Variants in ROBO1 observed in about 807,000 individuals in gnomAD.
ROBO1 encodes roundabout guidance receptor 1, also known as roundabout homolog 1.
A neutral mutation model predicts 195.9 loss-of-function variants in ROBO1; 149 were observed. That is an observed-to-expected ratio of 0.76 (90% CI 0.67 to 0.87). The LOEUF (loss-of-function observed/expected upper bound fraction) is 0.87, where lower values mean the gene tolerates loss of function less well. Among genes scored for constraint, ROBO1 ranks in the 40% least tolerant of loss-of-function variants. ROBO1 has a pLI of 0.00. For synonymous variants in ROBO1, 816 were observed against 733.2 expected (o/e 1.11, Z -1.82); for missense variants, 1,933 against 2,068.3 (o/e 0.93, Z 1.27).
Position 79,566,316 on chromosome 3 carries a change from C to T in ROBO1, c.88+23508G>A, listed in dbSNP as rs930085562. Among the ~76,000 whole-genome samples, 3 of 152,144 alleles carry T rather than the reference C, an allele frequency of 2.0e-5. No individual in the cohort carries two copies. In the East Asian group the frequency reaches 5.8e-4, roughly 29 times the overall value. On this transcript the variant is annotated intron_variant, in intron 2 of 30. Coordinates refer to ENST00000464233, the MANE Select transcript of ROBO1 (RefSeq NM_002941.4). ...CACAGCGGATATTAACAAGTTTATG[C>T]TTGGAAGAACATTGTAAACAGGTAA...
intron 3 of ROBO1, among the ~76,000 whole-genome samples, chr3:79,051,373 T>C (rs1248389116): frequency 6.6e-6 from 1 of 152,158 alleles, no homozygotes; most frequent in Non-Finnish European, 1.5e-5. Context: ...GTAGAATCTC[T>C]GAATAGACAA....
chr3:78,624,415 C>G (rs967981327), intron 26 of ROBO1, among the ~76,000 whole-genome samples: 1 of 151,960 alleles, frequency 6.6e-6, no homozygotes, highest in African/African-American at 2.4e-5. Context: ...CAGCAATGAC[C>G]CTGGAAATAA....
At chr3:79,090,659 TA>T (rs1422663766) in intron 3 of ROBO1, among the ~76,000 whole-genome samples, 1 of 152,124 alleles carries the variant, frequency 6.6e-6, no homozygotes, top group Non-Finnish European at 1.5e-5. Flanking sequence ...AGTTTGGGCC[TA>T]ACCTCTCTAT....
intron 3 of ROBO1, among the ~76,000 whole-genome samples, chr3:79,034,167 T>A (rs1339681327): frequency 6.6e-6 from 1 of 152,242 alleles, no homozygotes; most frequent in Non-Finnish European, 1.5e-5. Flanking sequence ...TAGAAAATAC[T>A]ATTATTATAA....
rs2081098864 is a variant in ROBO1, at chr3:78,688,502, T to C, written c.1170+146A>G. 6.2e-6 allele frequency: 5 copies of C among 805,440 alleles called. No individual in the cohort carries two copies. The South Asian group carries it at 1.3e-4, about 21-fold the overall frequency. 49.9% of individuals were successfully genotyped at this position (805,440 alleles called of 1,614,324 possible). A position where few individuals can be genotyped will look rare whatever the true frequency, so the allele number is the denominator to read the frequency against. ...AAGACAATTTTGTCTTCTTTCTCATTGCTAAAATGTTCTGGGCACTCAGAG... is the reference window on the plus strand; with the variant it reads ...AAGACAATTTTGTCTTCTTTCTCATCGCTAAAATGTTCTGGGCACTCAGAG... On this transcript the variant is annotated intron_variant, in intron 9 of 30. Transcript: ENST00000464233.
chr3:78,768,766 G>A (rs555420021), intron 4 of ROBO1, among the ~76,000 whole-genome samples: 7 of 150,930 alleles, frequency 4.6e-5, no homozygotes, highest in African/African-American at 7.3e-5. Context: ...CCACTAACTC[G>A]TCATCTAGCA....
At chr3:79,616,391 A>G (rs1311891657) in intron 1 of ROBO1, among the ~76,000 whole-genome samples, 2 of 152,160 alleles carry the variant, frequency 1.3e-5, no homozygotes, top group Non-Finnish European at 2.9e-5. Context: ...TAGAAAATAG[A>G]AATATGACTG....
intron 3 of ROBO1, among the ~76,000 whole-genome samples, chr3:79,071,622 T>A (rs1559638395): frequency 6.6e-6 from 1 of 151,854 alleles, no homozygotes; most frequent in Non-Finnish European, 1.5e-5. Context: ...GGTTATTTTT[T>A]TAAAAAATTC....
intron 2 of ROBO1, among the ~76,000 whole-genome samples, chr3:79,140,558 C>T (rs2080503710): frequency 6.6e-6 from 1 of 151,752 alleles, no homozygotes; most frequent in Non-Finnish European, 1.5e-5. Flanking sequence ...TCCTATATAC[C>T]TAATAAGAAG....
intron 2 of ROBO1, among the ~76,000 whole-genome samples, chr3:79,276,348 C>A (rs1404233019): frequency 6.6e-6 from 1 of 151,558 alleles, no homozygotes; most frequent in African/African-American, 2.4e-5. Flanking sequence ...TTTTGACAAA[C>A]CAAGAACTAA....
intron 22 of ROBO1, among the ~76,000 whole-genome samples, chr3:78,638,845 G>A (rs940259635): frequency 6.6e-6 from 1 of 152,122 alleles, no homozygotes; most frequent in African/African-American, 2.4e-5. Context: ...CTGCACTCCA[G>A]CCTAGGTGAA....
In ROBO1 at chr3:79,076,365, C is replaced by G. The variant is rs1170658446; in HGVS notation, c.172+49091G>C. Among the ~76,000 whole-genome samples, 3 of 149,922 alleles carry G rather than the reference C, an allele frequency of 2.0e-5. No homozygotes were observed. In the East Asian group the frequency reaches 5.9e-4, roughly 30 times the overall value. On this transcript the variant is annotated intron_variant, in intron 3 of 30. Transcript: ENST00000464233. ...TGAAGAAATTACCATTAAATACAAA[C>G]TATTTTCTCATGACAGAAAAAAAGA...
intron 3 of ROBO1, among the ~76,000 whole-genome samples, chr3:79,104,017 C>A (rs1281730553): frequency 1.3e-5 from 2 of 151,658 alleles, no homozygotes; most frequent in Non-Finnish European, 2.9e-5. Context: ...TGGACTGGCT[C>A]TCTACTCTGA....
chr3:78,834,296 T>A (rs2032501577), intron 4 of ROBO1, among the ~76,000 whole-genome samples: 1 of 151,854 alleles, frequency 6.6e-6, no homozygotes, highest in Non-Finnish European at 1.5e-5. Flanking sequence ...AATCTGGGAA[T>A]AAATTTTGTT....
At chr3:78,736,092 A>G (rs1365082255) in intron 5 of ROBO1, among the ~76,000 whole-genome samples, 1 of 152,148 alleles carries the variant, frequency 6.6e-6, no homozygotes, top group African/African-American at 2.4e-5. Flanking sequence ...CATGTTTTAG[A>G]AAAAAGAAAT....
intron 3 of ROBO1, among the ~76,000 whole-genome samples, chr3:79,031,547 T>C (rs1162996308): frequency 2.0e-5 from 3 of 152,240 alleles, no homozygotes; most frequent in African/African-American, 7.2e-5. Context: ...TGTCCATCTC[T>C]GTCACTGACT....
At chr3:78,947,216 A>G (rs2040496228) in intron 3 of ROBO1, among the ~76,000 whole-genome samples, 1 of 152,172 alleles carries the variant, frequency 6.6e-6, no homozygotes, top group African/African-American at 2.4e-5. Flanking sequence ...TCAACAGAAT[A>G]TACATTCTTT....
chr3:79,622,924 G>T (rs1029809424), intron 1 of ROBO1, among the ~76,000 whole-genome samples: 3 of 152,180 alleles, frequency 2.0e-5, no homozygotes, highest in Admixed American at 6.5e-5. Flanking sequence ...CTGGAATCAG[G>T]TTGGTGCTCC....
At chr3:79,455,038 A>C (rs1412860798) in intron 2 of ROBO1, among the ~76,000 whole-genome samples, 4 of 152,092 alleles carry the variant, frequency 2.6e-5, no homozygotes, top group Admixed American at 1.3e-4. Flanking sequence ...ATTACAGTTT[A>C]ATATGCTCAC....
Sources: allele counts gnomAD v4.1 joint callset (sites outside exome capture counted in the v4.1 genomes callset), GRCh38; gene constraint gnomAD v4.1.1; transcripts MANE v1.5; gene names NCBI Gene and HGNC (gene_info 2026-07-23, HGNC 2026-07-21).